Variants in PPIL3 observed in about 807,000 individuals in gnomAD.
The protein encoded by PPIL3 is peptidyl-prolyl cis-trans isomerase-like 3.
A neutral mutation model predicts 20.9 loss-of-function variants in PPIL3; 13 were observed. The observed-to-expected ratio is 0.62, with a 90% CI of 0.40 to 0.99. PPIL3 has a LOEUF of 0.99. Ranked by LOEUF, PPIL3 falls within the 50% of genes least tolerant of loss-of-function variation. The pLI is 0.00. For missense variants in PPIL3, 170 were observed against 195.2 expected (o/e 0.87, Z 0.77); for synonymous variants, 71 against 64.4 (o/e 1.10, Z -0.49).
rs1012533609 is a variant in PPIL3 at position 200,871,441 on chromosome 2, A to G, written c.440T>C (p.Val147Ala). The G allele has an allele frequency of 6.2e-7, 1 of 1,608,548 alleles. No homozygotes were observed. Among genetic ancestry groups the G allele is most frequent in the Non-Finnish European group, 8.5e-7 (1 of 1,175,026 alleles). ...NEKTYRPLND[V>A]HIKDITIHAN... Reference sequence around the variant, plus strand: ...ATGAATAGTTATGTCCTTAATGTGTACATCATTAAGAGGTCGGTATGTCTT... The same window carrying G: ...ATGAATAGTTATGTCCTTAATGTGTGCATCATTAAGAGGTCGGTATGTCTT... The change falls in exon 7 of 7, where the codon GTA becomes GCA. Residue 147 changes from valine (V) to alanine (A), a missense_variant. Val to Ala is a moderately conservative substitution (Grantham distance 64). Coordinates refer to ENST00000392283, the MANE Select transcript of PPIL3 (RefSeq NM_130906.3).
chr2:200,889,222 A>G (rs1559346573), upstream of PPIL3: 1 of 359,354 alleles, frequency 2.8e-6, no homozygotes, highest in South Asian at 2.1e-5. Flanking sequence ...GCACTGGGAC[A>G]AGAAGTGTAA....
chr2:200,884,403 A>T, intron 3 of PPIL3, among the ~76,000 whole-genome samples: 1 of 152,184 alleles, frequency 6.6e-6, no homozygotes, highest in East Asian at 1.9e-4. Context: ...ACTCTGTCTC[A>T]AAATAAATAA....
rs928121192 is a variant in PPIL3, at chr2:200,872,211, A to G, written c.360-690T>C. 2.0e-5 allele frequency among the ~76,000 whole-genome samples: 3 copies of G among 152,218 alleles called. No homozygotes were observed. The South Asian group carries it at 6.2e-4, about 31-fold the overall frequency. ...AAAAATGGCTCATAGAACTTAGGAA[A>G]GCACTTTATTTATTACTATGGGCTA... On this transcript the variant is annotated intron_variant, in intron 6 of 6. Transcript: ENST00000392283.
intron 1 of PPIL3, among the ~76,000 whole-genome samples, chr2:200,888,033 G>A (rs1332585928): frequency 4.8e-5 from 7 of 145,386 alleles, no homozygotes; most frequent in Non-Finnish European, 1.0e-4. Context: ...CTCCAGCCTG[G>A]GTGACAGCGC....
chr2:200,876,169 G>A (rs1194691577), intron 6 of PPIL3, among the ~76,000 whole-genome samples: 36 of 147,900 alleles, frequency 2.4e-4, no homozygotes, highest in Non-Finnish European at 3.6e-4. Context: ...AAGTAGCTGC[G>A]CATGATGGTA....
intron 5 of PPIL3, among the ~76,000 whole-genome samples, chr2:200,880,815 C>G (rs571570420): frequency 3.4e-5 from 5 of 149,214 alleles, no homozygotes; most frequent in African/African-American, 9.9e-5. Context: ...TAGGCATGCA[C>G]TAATTTTTAA....
chr2:200,879,633 C>T (rs1419375241), intron 5 of PPIL3, among the ~76,000 whole-genome samples: 1 of 152,120 alleles, frequency 6.6e-6, no homozygotes, highest in Admixed American at 6.5e-5. Context: ...CCAGGAGTTT[C>T]AGACCAGACT....
At chr2:200,872,711 G>A (rs565709510) in intron 6 of PPIL3, among the ~76,000 whole-genome samples, 1 of 152,164 alleles carries the variant, frequency 6.6e-6, no homozygotes, top group East Asian at 1.9e-4. Context: ...AACTATGCTG[G>A]AAACCACGGA....
chr2:200,884,673 G>A (rs1409828977), intron 3 of PPIL3, among the ~76,000 whole-genome samples: 1 of 151,914 alleles, frequency 6.6e-6, no homozygotes, highest in East Asian at 1.9e-4. Flanking sequence ...CCAGGAGGTT[G>A]AGGCTGCAAT....
rs142646713 is a variant in PPIL3 at position 200,876,997 on chromosome 2, G to A, written c.281C>T (p.Pro94Leu). Residue 94 changes from proline (P) to leucine (L), a missense_variant, in exon 6 of 7, where the codon CCG (proline) becomes CTG (leucine). Coordinates refer to ENST00000392283, the MANE Select transcript of PPIL3 (RefSeq NM_130906.3). ...RGVVSMANNG[P>L]NTNGSQFFIT... ...GAAGAACTGAGATCCATTGGTGTTC[G>A]GGCCATTATTAGCCATAGATACAAC... 5.5e-4 allele frequency: 885 copies of A among 1,613,658 alleles called. 4 individuals carry two copies. In the African/African-American group the frequency reaches 0.011, roughly 19 times the overall value.
In PPIL3 at chr2:200,871,428, G is replaced by A; in HGVS notation, c.453C>T (p.Asp151=). Residue 151 remains aspartate (D), a synonymous_variant, in exon 7 of 7, where the codon GAC becomes GAT. Coordinates refer to ENST00000392283, the MANE Select transcript of PPIL3 (RefSeq NM_130906.3). ...CAAATGGGTTGGCATGAATAGTTAT[G>A]TCCTTAATGTGTACATCATTAAGAG... ...YRPLNDVHIK[D]ITIHANPFAQ 1 of 1,611,446 alleles carries A rather than the reference G, an allele frequency of 6.2e-7. No homozygotes were observed. The highest frequency in any genetic ancestry group is 8.5e-7 in the Non-Finnish European group (1 of 1,177,828).
Position 200,871,234 on chromosome 2 carries a change from G to A in PPIL3, c.*161C>T. 1.8e-6 allele frequency: 1 copy of A among 555,694 alleles called. No individual in the cohort carries two copies. Among genetic ancestry groups the A allele is most frequent in the Non-Finnish European group, 3.1e-6 (1 of 326,564 alleles). The allele number at this position is 555,694 out of a possible 1,614,324, so 34.4% of individuals were successfully genotyped here. On this transcript the variant is annotated 3_prime_UTR_variant, in exon 7 of 7. Transcript: ENST00000392283. ...ATAAAGAATATGCTCTAAGAATGGGGATAAAAGCTGTTGGGCGCCCCTTGG... is the reference window on the plus strand; with the variant it reads ...ATAAAGAATATGCTCTAAGAATGGGAATAAAAGCTGTTGGGCGCCCCTTGG...
At position 200,881,424 on chromosome 2, in the gene PPIL3, A is replaced by G. The variant is rs563239940; in HGVS notation, c.237T>C (p.Leu79=). Residue 79 remains leucine (L), a synonymous_variant, in exon 5 of 7, where the codon CTT becomes CTC. Transcript: ENST00000392283. ...KKFEDEYSEY[L]KHNVRGVVSM... ...TTTTAAAGCATTGAGGATTTACCTT[A>G]AGATATTCACTGTATTCATCCTCAA... The G allele has an allele frequency of 6.2e-7, 1 of 1,610,562 alleles. No homozygotes were observed. The highest frequency in any genetic ancestry group is 1.7e-5 in the Admixed American group (1 of 59,560).
chr2:200,872,640 T>G (rs1331505291), intron 6 of PPIL3, among the ~76,000 whole-genome samples: 1 of 152,098 alleles, frequency 6.6e-6, no homozygotes. Flanking sequence ...TGGGGTTTAT[T>G]ATGAACAATA....
intron 5 of PPIL3, among the ~76,000 whole-genome samples, chr2:200,878,125 A>G (rs764262183): frequency 4.6e-5 from 7 of 152,216 alleles, no homozygotes; most frequent in Non-Finnish European, 8.8e-5. Flanking sequence ...AATATTAAAT[A>G]CACATGTAAT....
At chr2:200,879,351 C>T (rs2039632906) in intron 5 of PPIL3, among the ~76,000 whole-genome samples, 1 of 151,906 alleles carries the variant, frequency 6.6e-6, no homozygotes, top group Admixed American at 6.6e-5. Flanking sequence ...GATCTCCTGC[C>T]CTCGTGATCC....
upstream of PPIL3, chr2:200,889,144 A>C: frequency 2.3e-6 from 1 of 426,748 alleles, no homozygotes. Flanking sequence ...CCTATCTCAA[A>C]CCAAAACGAC....
At chr2:200,872,792 G>A (rs987036241) in intron 6 of PPIL3, among the ~76,000 whole-genome samples, 3 of 152,070 alleles carry the variant, frequency 2.0e-5, no homozygotes, top group African/African-American at 7.2e-5. Context: ...GGAAATACAT[G>A]GAGAAAGTAT....
intron 1 of PPIL3, chr2:200,888,612 G>T: frequency 4.8e-6 from 1 of 209,092 alleles, no homozygotes; most frequent in Non-Finnish European, 1.0e-5. Flanking sequence ...CTCCGCCTCC[G>T]CCTCCCGGGT....
Sources: gnomAD v4.1 joint callset for allele counts (sites outside exome capture counted in the v4.1 genomes callset) on GRCh38, gnomAD v4.1.1 for gene constraint, MANE v1.5 for transcripts, NCBI Gene and HGNC (gene_info 2026-07-23, HGNC 2026-07-21) for gene names.